ASTN2: variants seen among roughly 807,000 people sequenced by gnomAD.
The protein encoded by ASTN2 is astrotactin-2.
In ASTN2, 54 loss-of-function variants were observed where a neutral mutation model predicts 139.8. The ratio of observed to expected loss-of-function variants is 0.39; its 90% CI spans 0.31 to 0.48. The LOEUF (loss-of-function observed/expected upper bound fraction) is 0.48, where lower values mean the gene tolerates loss of function less well. ASTN2 is among the 20% of genes least tolerant of loss of function. The pLI is 0.95. For missense variants in ASTN2, 1,565 were observed against 1,725.1 expected (o/e 0.91, Z 1.64); for synonymous variants, 756 against 719.5 (o/e 1.05, Z -0.81).
chr9:117,059,758 GATTAGTC>G (rs1419885992), intron 5 of ASTN2, among the ~76,000 whole-genome samples: 2 of 152,034 alleles, frequency 1.3e-5, no homozygotes, highest in African/African-American at 2.4e-5. Context: ...CTCCAGTTTT[GATTAGTC>G]ATTATCATTC....
intron 1 of ASTN2, among the ~76,000 whole-genome samples, chr9:117,348,977 T>C: frequency 6.7e-6 from 1 of 149,030 alleles, no homozygotes; most frequent in Admixed American, 6.7e-5. Context: ...CTGGAAAAGG[T>C]GGAGGAAAGT....
intron 2 of ASTN2, among the ~76,000 whole-genome samples, chr9:117,271,931 G>A (rs1834075396): frequency 6.6e-6 from 1 of 152,166 alleles, no homozygotes. Flanking sequence ...TGCACAAGCT[G>A]TTGATGGATC....
At chr9:116,930,822 A>C (rs1477359916) in intron 10 of ASTN2, among the ~76,000 whole-genome samples, 1 of 152,110 alleles carries the variant, frequency 6.6e-6, no homozygotes, top group African/African-American at 2.4e-5. Flanking sequence ...TACAGCGTCT[A>C]CTTCACAACT....
chr9:117,123,910 C>T lies in ASTN2; in HGVS notation c.1168+17416G>A, dbSNP rs566442959. Among the ~76,000 whole-genome samples, 16 of 152,276 alleles carry T rather than the reference C, an allele frequency of 1.1e-4. No individual in the cohort carries two copies. The East Asian group carries it at 2.9e-3, about 28-fold the overall frequency. The stretch of plus-strand genomic sequence containing the variant: ...GCCATATTCTTTCCTCTCATCTCTG[C>T]GACATGCCTGTCTGTGCTTTTGGAG... On this transcript the variant is annotated intron_variant, in intron 4 of 22. Transcript: ENST00000313400.
At chr9:116,835,967 C>T (rs1412755554) in intron 11 of ASTN2, among the ~76,000 whole-genome samples, 2 of 152,084 alleles carry the variant, frequency 1.3e-5, no homozygotes, top group Admixed American at 1.3e-4. Context: ...TTCAAACCTT[C>T]TATTTTCTCT....
intron 14 of ASTN2, among the ~76,000 whole-genome samples, chr9:116,732,814 C>A (rs1454527756): frequency 6.6e-6 from 1 of 152,082 alleles, no homozygotes; most frequent in Non-Finnish European, 1.5e-5. Context: ...GCTACAGCAC[C>A]CAGGTTTTAG....
intron 1 of ASTN2, among the ~76,000 whole-genome samples, chr9:117,404,895 G>A (rs1020967467): frequency 2.6e-5 from 4 of 152,120 alleles, no homozygotes; most frequent in Non-Finnish European, 4.4e-5. Flanking sequence ...AGGAGGGAAG[G>A]TGGAAAGAAT....
chr9:117,133,256 C>T lies in ASTN2; in HGVS notation c.1168+8070G>A, dbSNP rs146849399. On this transcript the variant is annotated intron_variant, in intron 4 of 22. Transcript: ENST00000313400. ...TGCTTACCATGCTTAGTACAGCCTG[C>T]GGAGCACTTTACAAACATTAACTAA... 9.9e-5 allele frequency among the ~76,000 whole-genome samples: 15 copies of T among 152,272 alleles called. No individual in the cohort carries two copies. The East Asian group carries it at 1.2e-3, about 12-fold the overall frequency.
chr9:116,449,172 G>A (rs755293328), intron 20 of ASTN2, among the ~76,000 whole-genome samples: 1 of 152,138 alleles, frequency 6.6e-6, no homozygotes, highest in Non-Finnish European at 1.5e-5. Context: ...TTGGGAGACC[G>A]AGGCAGGTGG....
At chr9:117,104,827 T>A (rs1249909596) in intron 4 of ASTN2, among the ~76,000 whole-genome samples, 1 of 152,210 alleles carries the variant, frequency 6.6e-6, no homozygotes, top group Non-Finnish European at 1.5e-5. Flanking sequence ...ATAAGTACTC[T>A]TTATTGCTGC....
intron 5 of ASTN2, among the ~76,000 whole-genome samples, chr9:117,078,062 A>G (rs1828327076): frequency 6.6e-6 from 1 of 152,172 alleles, no homozygotes; most frequent in Admixed American, 6.5e-5. Flanking sequence ...TAAAGAGTCA[A>G]TGCGCACCCT....
At chr9:116,880,754 T>C (rs1249452524) in intron 10 of ASTN2, among the ~76,000 whole-genome samples, 2 of 152,136 alleles carry the variant, frequency 1.3e-5, no homozygotes, top group Non-Finnish European at 2.9e-5. Flanking sequence ...ATGGCTGCCA[T>C]AGGTGCCATG....
chr9:116,443,848 C>T (rs887168908), intron 20 of ASTN2, among the ~76,000 whole-genome samples: 9 of 152,058 alleles, frequency 5.9e-5, no homozygotes, highest in African/African-American at 2.2e-4. Context: ...GTCATAATGG[C>T]CCTATTTTCT....
At position 116,873,543 on chromosome 9, in the gene ASTN2, T is replaced by C. The variant is rs1833218925; in HGVS notation, c.1890-9810A>G. On this transcript the variant is annotated intron_variant, in intron 10 of 22. Coordinates refer to ENST00000313400, the MANE Select transcript of ASTN2 (RefSeq NM_001365068.1). ...TAACAACATTCACATGGGCTAATTA[T>C]CTACTGAGAATTTATGACATGAGAA... 2.6e-5 allele frequency among the ~76,000 whole-genome samples: 4 copies of C among 152,018 alleles called. No individual in the cohort carries two copies. The South Asian group carries it at 8.3e-4, about 32-fold the overall frequency.
chr9:116,792,950 G>C (rs1002872275), intron 13 of ASTN2, among the ~76,000 whole-genome samples: 1 of 152,070 alleles, frequency 6.6e-6, no homozygotes, highest in Non-Finnish European at 1.5e-5. Flanking sequence ...GGACTACTGA[G>C]GGGGGAAGGA....
chr9:117,411,179 C>T (rs1360093751), intron 1 of ASTN2, among the ~76,000 whole-genome samples: 1 of 152,104 alleles, frequency 6.6e-6, no homozygotes, highest in African/African-American at 2.4e-5. Flanking sequence ...CAGTAGAGCC[C>T]ACTCCATATA....
intron 11 of ASTN2, among the ~76,000 whole-genome samples, chr9:116,837,518 C>T (rs1832041608): frequency 6.6e-6 from 1 of 152,186 alleles, no homozygotes; most frequent in Admixed American, 6.5e-5. Context: ...TGAACCTGCT[C>T]TTTGCTGCTT....
intron 14 of ASTN2, among the ~76,000 whole-genome samples, chr9:116,732,440 G>C (rs1400626969): frequency 1.3e-5 from 2 of 152,192 alleles, no homozygotes; most frequent in African/African-American, 4.8e-5. Context: ...GTCAGACAGA[G>C]ATTTCAACCT....
At chr9:116,576,528 A>T (rs928893624) in intron 19 of ASTN2, among the ~76,000 whole-genome samples, 6 of 152,186 alleles carry the variant, frequency 3.9e-5, no homozygotes, top group African/African-American at 1.4e-4. Flanking sequence ...GGATGATCCT[A>T]CAGGCTGGCA....
Sources: allele counts gnomAD v4.1 joint callset (sites outside exome capture counted in the v4.1 genomes callset), GRCh38; gene constraint gnomAD v4.1.1; transcripts MANE v1.5; gene names NCBI Gene and HGNC (gene_info 2026-07-23, HGNC 2026-07-21).